The following PTPRT variants were observed in gnomAD, a reference collection of about 807,000 sequenced individuals.
The protein encoded by PTPRT is protein tyrosine phosphatase receptor type T, also known as receptor-type tyrosine-protein phosphatase T.
In PTPRT, 56 loss-of-function variants were observed where a neutral mutation model predicts 176.8. The observed-to-expected ratio is 0.32, with a 90% CI of 0.26 to 0.40. The LOEUF (loss-of-function observed/expected upper bound fraction) is 0.40, where lower values mean the gene tolerates loss of function less well. Ranked by LOEUF, PTPRT falls within the 10% of genes least tolerant of loss-of-function variation. PTPRT has a pLI of 1.00. For missense variants in PTPRT, 1,540 were observed against 1,908.2 expected, an observed-to-expected ratio of 0.81 and a Z score of 3.60; for synonymous variants, 783 against 739.0, an observed-to-expected ratio of 1.06 and a Z score of -0.96.
intron 7 of PTPRT, among the ~76,000 whole-genome samples, chr20:42,656,390 G>T (rs2075125898): frequency 6.6e-6 from 1 of 152,154 alleles, no homozygotes; most frequent in Non-Finnish European, 1.5e-5. Context: ...CCAAATAGGG[G>T]GTTGAGACTT....
chr20:43,048,340 G>T (rs1488413746), intron 1 of PTPRT, among the ~76,000 whole-genome samples: 1 of 152,166 alleles, frequency 6.6e-6, no homozygotes, highest in Non-Finnish European at 1.5e-5. Context: ...AGACTGTCAG[G>T]GGTCCAGTGG....
intron 11 of PTPRT, among the ~76,000 whole-genome samples, chr20:42,335,883 T>C (rs6030150): frequency 0.023 from 3,480 of 152,258 alleles, 112 homozygotes; most frequent in African/African-American, 0.078. Context: ...AACATAGTAG[T>C]ACACTCCAGA....
rs148704745 is a variant in PTPRT, at chr20:42,800,113, T to C, written c.215-8647A>G. On this transcript the variant is annotated intron_variant, in intron 2 of 30. Transcript: ENST00000373187. Reference sequence around the variant, plus strand: ...TACTTAAGATTCATTTGTTTAATTCTTATATCAACCCTATGAGGTAGTGAC... The same window carrying C: ...TACTTAAGATTCATTTGTTTAATTCCTATATCAACCCTATGAGGTAGTGAC... Among the ~76,000 whole-genome samples the C allele has an allele frequency of 8.4e-3, 1,273 of 152,362 alleles. 12 individuals are homozygous for C. The highest frequency in any genetic ancestry group is 0.013 in the Non-Finnish European group (882 of 68,034).
chr20:42,470,836 TC>T (rs1319465387), intron 8 of PTPRT, among the ~76,000 whole-genome samples: 18 of 152,026 alleles, frequency 1.2e-4, no homozygotes, highest in South Asian at 4.2e-4. Flanking sequence ...AGTTATGTGT[TC>T]TAGCAGTAGT....
rs527864093 is a variant in PTPRT at position 43,109,112 on chromosome 20, T to G, written c.88+80534A>C. ...CCCGCTTTCCCTTTCTCTGCTGTTTTCCTTGCTCTCCAGGACACAATAAAG... is the reference window on the plus strand; with the variant it reads ...CCCGCTTTCCCTTTCTCTGCTGTTTGCCTTGCTCTCCAGGACACAATAAAG... On this transcript the variant is annotated intron_variant, in intron 1 of 30. Coordinates refer to ENST00000373187, the MANE Select transcript of PTPRT (RefSeq NM_007050.6). Among the ~76,000 whole-genome samples the G allele has an allele frequency of 2.0e-4, 31 of 152,328 alleles. No homozygotes were observed. In the South Asian group the frequency reaches 3.9e-3, roughly 19 times the overall value.
intron 9 of PTPRT, among the ~76,000 whole-genome samples, chr20:42,410,011 A>G (rs1377612862): frequency 6.6e-6 from 1 of 152,190 alleles, no homozygotes; most frequent in Non-Finnish European, 1.5e-5. Context: ...TTTGATTCAA[A>G]GAAGTCAAAA....
intron 12 of PTPRT, among the ~76,000 whole-genome samples, chr20:42,284,941 A>C (rs1326405073): frequency 1.3e-5 from 2 of 151,684 alleles, no homozygotes; most frequent in Non-Finnish European, 2.9e-5. Context: ...AAGTTTTTTC[A>C]GAGAACATAC....
At chr20:42,922,265 G>T (rs541517277) in intron 1 of PTPRT, among the ~76,000 whole-genome samples, 31 of 152,198 alleles carry the variant, frequency 2.0e-4, no homozygotes, top group African/African-American at 7.5e-4. Context: ...CTCCATGCTG[G>T]ACTCTCTCCC....
intron 9 of PTPRT, among the ~76,000 whole-genome samples, chr20:42,391,491 C>T (rs547213098): frequency 6.6e-6 from 1 of 152,254 alleles, no homozygotes; most frequent in Admixed American, 6.5e-5. Context: ...ACGGACACTA[C>T]CAGCAAAGGT....
At chr20:42,151,263 G>A (rs934542308) in intron 17 of PTPRT, among the ~76,000 whole-genome samples, 11 of 151,796 alleles carry the variant, frequency 7.2e-5, no homozygotes, top group Admixed American at 2.0e-4. Flanking sequence ...TTCAAGCCCC[G>A]CATACATTAG....
intron 15 of PTPRT, among the ~76,000 whole-genome samples, chr20:42,212,407 CT>C (rs1416901621): frequency 3.1e-5 from 3 of 97,316 alleles, no homozygotes; most frequent in African/African-American, 1.2e-4. Flanking sequence ...CCCAATTAGT[CT>C]TTTTTCTCAA....
intron 7 of PTPRT, among the ~76,000 whole-genome samples, chr20:42,662,809 C>T (rs1003518405): frequency 6.9e-6 from 1 of 144,852 alleles, no homozygotes; most frequent in African/African-American, 2.6e-5. Flanking sequence ...TCTGTACTGT[C>T]CAAAAATGTC....
At chr20:42,253,228 G>C (rs2056578156) in intron 13 of PTPRT, among the ~76,000 whole-genome samples, 1 of 152,118 alleles carries the variant, frequency 6.6e-6, no homozygotes, top group African/African-American at 2.4e-5. Flanking sequence ...ACCTGTGATG[G>C]GAGTCATAAA....
chr20:42,551,840 G>A (rs2072776378), intron 7 of PTPRT, among the ~76,000 whole-genome samples: 1 of 152,078 alleles, frequency 6.6e-6, no homozygotes, highest in Non-Finnish European at 1.5e-5. Flanking sequence ...TTGTTTTCCT[G>A]GACCTTCCCC....
chr20:43,080,193 C>G (rs1478244182), intron 1 of PTPRT, among the ~76,000 whole-genome samples: 2 of 152,140 alleles, frequency 1.3e-5, no homozygotes, highest in Non-Finnish European at 2.9e-5. Flanking sequence ...ATGTCAAGTC[C>G]AAGCTGACAC....
chr20:42,420,485 A>G (rs2059108585), intron 9 of PTPRT, among the ~76,000 whole-genome samples: 1 of 152,130 alleles, frequency 6.6e-6, no homozygotes, highest in South Asian at 2.1e-4. Context: ...CAAACAAATC[A>G]TAAAGGGAAA....
chr20:42,249,128 AT>A (rs558647382), intron 13 of PTPRT, among the ~76,000 whole-genome samples: 29 of 151,810 alleles, frequency 1.9e-4, no homozygotes, highest in African/African-American at 6.0e-4. Flanking sequence ...TCAAGTTAAG[AT>A]TTTTTTTTCT....
chr20:42,606,602 T>C (rs1274596582), intron 7 of PTPRT: 1 of 152,202 alleles, frequency 6.6e-6, no homozygotes, highest in Non-Finnish European at 1.5e-5. Context: ...ATCCCCATTT[T>C]ACAGATGATG....
intron 13 of PTPRT, among the ~76,000 whole-genome samples, chr20:42,255,903 T>C (rs768688317): frequency 4.6e-5 from 7 of 152,190 alleles, no homozygotes; most frequent in Admixed American, 6.5e-5. Context: ...CTTTAAAACA[T>C]ACAGTTGTTT....
Sources: allele counts gnomAD v4.1 joint callset (sites outside exome capture counted in the v4.1 genomes callset), GRCh38; gene constraint gnomAD v4.1.1; transcripts MANE v1.5; gene names NCBI Gene and HGNC (gene_info 2026-07-23, HGNC 2026-07-21).